CASTOR2: variants seen among roughly 807,000 people sequenced by gnomAD.
CASTOR2 encodes GATS protein like 2.
Under a neutral mutation model 31.2 loss-of-function variants are expected in CASTOR2, and 8 were observed. That is an observed-to-expected ratio of 0.26 (90% CI 0.15 to 0.46). The LOEUF (loss-of-function observed/expected upper bound fraction) is 0.46, where lower values mean the gene tolerates loss of function less well. CASTOR2 is among the 20% of genes least tolerant of loss of function. The pLI, the probability that CASTOR2 is intolerant of heterozygous loss-of-function variation, is 0.99. For synonymous variants in CASTOR2, 162 were observed against 158.7 expected (o/e 1.02, Z -0.16); for missense variants, 216 against 382.1 (o/e 0.57, Z 3.62).
intron 7 of CASTOR2, among the ~76,000 whole-genome samples, chr7:75,023,443 G>C (rs978271346): frequency 0.11 from 16,593 of 151,304 alleles, 958 homozygotes; most frequent in South Asian, 0.12. Flanking sequence ...CAACGTCTTT[G>C]GTGGATAGCA....
chr7:75,022,262 T>C (rs1350948745), intron 7 of CASTOR2, among the ~76,000 whole-genome samples: 1 of 152,164 alleles, frequency 6.6e-6, no homozygotes, highest in East Asian at 1.9e-4. Context: ...CCCAGCACTT[T>C]GGGAGGCCGA....
In CASTOR2 at chr7:75,024,921, A is replaced by G. The variant is rs1384005858; in HGVS notation, c.*222A>G. On this transcript the variant is annotated 3_prime_UTR_variant, in exon 9 of 9. Transcript: ENST00000616305. ...CCCGGAGCCCCCCGACCCTCCAGAG[A>G]ACGACCTTTCTCTTCCCTACCTCCC... 7.1e-6 allele frequency: 8 copies of G among 1,122,850 alleles called. No individual in the cohort carries two copies. In the African/African-American group the frequency reaches 1.3e-4, roughly 18 times the overall value. The allele number at this position is 1,122,850 out of a possible 1,614,324, so 69.6% of individuals were successfully genotyped here. A position where few individuals can be genotyped will look rare whatever the true frequency, so the allele number is the denominator to read the frequency against.
At position 75,025,342 on chromosome 7, in the gene CASTOR2, C is replaced by A. The variant is rs1805097938; in HGVS notation, c.*643C>A. Among the ~76,000 whole-genome samples the A allele has an allele frequency of 6.6e-6, 1 of 152,104 alleles. No homozygotes were observed. The highest frequency in any genetic ancestry group is 1.5e-5 in the Non-Finnish European group (1 of 68,010). ...CCAACCACAGGGCCTGGGCCCGACT[C>A]CCAGCAAGACTGCCAAGAGGGCCCT... On this transcript the variant is annotated 3_prime_UTR_variant, in exon 9 of 9. Transcript: ENST00000616305.
intron 1 of CASTOR2, among the ~76,000 whole-genome samples, chr7:74,999,009 T>G (rs2131938104): frequency 6.6e-6 from 1 of 152,072 alleles, no homozygotes; most frequent in East Asian, 1.9e-4. Context: ...TTTTTTTTGT[T>G]TTTTGAGATG....
chr7:74,999,601 CTTTTTTTTTTTTTTTTTTTTTT>C (rs1158456043), intron 1 of CASTOR2, among the ~76,000 whole-genome samples: 4 of 45,762 alleles, frequency 8.7e-5, no homozygotes, highest in African/African-American at 3.8e-4. Flanking sequence ...TCACTCACTG[CTTTTTTTTTTTTTTTTTTTTTT>C]TTTTTTTTTT....
At chr7:75,020,969 G>A (rs1804984660) in intron 6 of CASTOR2, among the ~76,000 whole-genome samples, 2 of 151,600 alleles carry the variant, frequency 1.3e-5, no homozygotes, top group Non-Finnish European at 2.9e-5. Context: ...GCTAATTTTT[G>A]TATTTTTATT....
intron 1 of CASTOR2, among the ~76,000 whole-genome samples, chr7:74,986,037 C>T (rs1804056567): frequency 6.6e-6 from 1 of 152,068 alleles, no homozygotes. Flanking sequence ...AAGCGATTCT[C>T]CTGCCTTAGC....
Position 75,026,021 on chromosome 7 carries a change from G to T in CASTOR2, c.*1322G>T, listed in dbSNP as rs956220566. On this transcript the variant is annotated 3_prime_UTR_variant, in exon 9 of 9. Transcript: ENST00000616305. ...CCAGCTGTAGTTCTATCTGAGCACC[G>T]GAGGGGGTGAGGGAACCCGAGGGCC... Among the ~76,000 whole-genome samples the T allele has an allele frequency of 2.0e-5, 3 of 152,120 alleles. No homozygotes were observed. The highest frequency in any genetic ancestry group is 7.2e-5 in the African/African-American group (3 of 41,416).
intron 1 of CASTOR2, among the ~76,000 whole-genome samples, chr7:75,001,656 A>T (rs1490942473): frequency 6.6e-6 from 1 of 152,248 alleles, no homozygotes; most frequent in African/African-American, 2.4e-5. Flanking sequence ...TTTGAAGGCA[A>T]GTGTGTGGCC....
chr7:74,990,805 A>G (rs1207671074), intron 1 of CASTOR2, among the ~76,000 whole-genome samples: 1 of 152,244 alleles, frequency 6.6e-6, no homozygotes, highest in Non-Finnish European at 1.5e-5. Context: ...CAGGGAGCTG[A>G]GATCGTGCCA....
chr7:75,019,086 A>T lies in CASTOR2; in HGVS notation c.626A>T (p.Tyr209Phe). 6.4e-7 allele frequency: 1 copy of T among 1,551,580 alleles called. No homozygotes were observed. The highest frequency in any genetic ancestry group is 8.7e-7 in the Non-Finnish European group (1 of 1,146,978). The change falls in exon 5 of 9, where the codon TAC (tyrosine) becomes TTC (phenylalanine). Residue 209 changes from tyrosine to phenylalanine, a missense_variant. Transcript: ENST00000616305. ...VATLLMDVMF[Y>F]SNGVKDPMAT... ...ACACTCCTCATGGATGTCATGTTCT[A>T]CTCCAATGGGTAGGGCTGCCTTGGG...
chr7:75,021,985 T>C (rs1805016356), intron 7 of CASTOR2, 29 bp downstream of exon 7: 1 of 1,549,438 alleles, frequency 6.5e-7, no homozygotes, highest in Non-Finnish European at 8.7e-7. Flanking sequence ...ACATGGGGAA[T>C]TGAGGGAGCT....
chr7:74,998,600 CAAAAA>C (rs1159460301), intron 1 of CASTOR2, among the ~76,000 whole-genome samples: 1 of 120,108 alleles, frequency 8.3e-6, no homozygotes, highest in Admixed American at 8.5e-5. Flanking sequence ...GACTCCATCT[CAAAAA>C]AAAAAAAAAA....
chr7:75,025,008 G>A lies in CASTOR2; in HGVS notation c.*309G>A, dbSNP rs1166595756. ...TGTGAGCTGATCCGCCTTCTCATCC[G>A]GCCTCACCCACGGCCAGGGGCAGAT... On this transcript the variant is annotated 3_prime_UTR_variant, in exon 9 of 9. Transcript: ENST00000616305. 1.3e-5 allele frequency among the ~76,000 whole-genome samples: 2 copies of A among 152,178 alleles called. No individual in the cohort carries two copies. The highest frequency in any genetic ancestry group is 2.4e-5 in the African/African-American group (1 of 41,450).
rs1805217161 is a variant in CASTOR2 at position 75,028,841 on chromosome 7, C to T, written c.*4142C>T. On this transcript the variant is annotated 3_prime_UTR_variant, in exon 9 of 9. Transcript: ENST00000616305. ...AGCTGGAGAGGCTTGCAGGCCTGAC[C>T]CTGGTAGCTTCCCCTCCCCAAGATT... Among the ~76,000 whole-genome samples the T allele has an allele frequency of 3.3e-5, 5 of 152,198 alleles. No individual in the cohort carries two copies. The highest frequency in any genetic ancestry group is 1.2e-4 in the African/African-American group (5 of 41,448).
In CASTOR2 at chr7:75,027,686, G is replaced by A. The variant is rs928252325; in HGVS notation, c.*2987G>A. 9 of 354,558 alleles carry A rather than the reference G, an allele frequency of 2.5e-5. No individual in the cohort carries two copies. Among genetic ancestry groups the A allele is most frequent in the Admixed American group, 8.9e-5 (2 of 22,590 alleles). 22.0% of individuals were successfully genotyped at this position (354,558 alleles called of 1,614,324 possible). A position where few individuals can be genotyped will look rare whatever the true frequency, so the allele number is the denominator to read the frequency against. ...GCAGGGGTGGTCCCTGTTCAAGCCCGCTCCGTGGGAGCTGCCCCCTGGGGA... is the reference window on the plus strand; with the variant it reads ...GCAGGGGTGGTCCCTGTTCAAGCCCACTCCGTGGGAGCTGCCCCCTGGGGA... On this transcript the variant is annotated 3_prime_UTR_variant, in exon 9 of 9. Coordinates refer to ENST00000616305, the MANE Select transcript of CASTOR2 (RefSeq NM_001145064.3).
intron 7 of CASTOR2, 101 bp downstream of exon 7, chr7:75,022,057 A>G (rs1805018619): frequency 5.8e-6 from 8 of 1,386,716 alleles, no homozygotes; most frequent in Non-Finnish European, 7.0e-6. Flanking sequence ...TGGGGGGTAC[A>G]GATGGGGAGA....
rs963774402 is a variant in CASTOR2, at chr7:75,020,132, C to T, written c.729C>T (p.Asp243=). The T allele has an allele frequency of 1.7e-5, 26 of 1,551,378 alleles. No homozygotes were observed. Among genetic ancestry groups the T allele is most frequent in the African/African-American group, 4.1e-5 (3 of 73,052 alleles). ...LIEGYISLVM[D]VQTQQRFPSN... is the part of the protein sequence containing the mutation. ...AGGGCTACATCTCCCTGGTGATGGA[C>T]GTGCAGACGCAGCAGAGGTGAGCCA... Residue 243 remains aspartate (D), a synonymous_variant, in exon 6 of 9, where the codon GAC becomes GAT. Coordinates refer to ENST00000616305, the MANE Select transcript of CASTOR2 (RefSeq NM_001145064.3).
rs1805126570 is a variant in CASTOR2, at chr7:75,026,191, T to TTTTTTTTTTGTTTTTTTG, written c.*1501_*1502insGTTTTTTTGTTTTTTTTT. Reference sequence around the variant, plus strand: ...CTGTGGTTTTGGCTCTGGCGGGGGTTTTTTTTTTTTTTTTTGAGATGGGAG... The same window carrying TTTTTTTTTTGTTTTTTTG: ...CTGTGGTTTTGGCTCTGGCGGGGGTTTTTTTTTTTGTTTTTTTGTTTTTTTTTTTTTTTGAGATGGGAG... On this transcript the variant is annotated 3_prime_UTR_variant, in exon 9 of 9. Transcript: ENST00000616305. 7.1e-6 allele frequency among the ~76,000 whole-genome samples: 1 copy of TTTTTTTTTTGTTTTTTTG among 141,556 alleles called. No individual in the cohort carries two copies. Among genetic ancestry groups the TTTTTTTTTTGTTTTTTTG allele is most frequent in the African/African-American group, 2.6e-5 (1 of 38,276 alleles). 92.9% of individuals were successfully genotyped at this position (141,556 alleles called of 152,430 possible).
Sources: allele counts gnomAD v4.1 joint callset (sites outside exome capture counted in the v4.1 genomes callset), GRCh38; gene constraint gnomAD v4.1.1; transcripts MANE v1.5; gene names NCBI Gene and HGNC (gene_info 2026-07-23, HGNC 2026-07-21).